Variants in NPAS3 observed in about 807,000 individuals in gnomAD.
The protein encoded by NPAS3 is neuronal PAS domain protein 3.
In NPAS3, 14 loss-of-function variants were observed where a neutral mutation model predicts 73.1. The ratio of observed to expected loss-of-function variants is 0.19; its 90% CI spans 0.13 to 0.30. The LOEUF is 0.30. Ranked by LOEUF, NPAS3 falls within the 10% of genes least tolerant of loss-of-function variation. The pLI is 1.00. For missense variants in NPAS3, 1,096 were observed against 1,250.0 expected, an observed-to-expected ratio of 0.88 and a Z score of 1.86; for synonymous variants, 620 against 541.5, an observed-to-expected ratio of 1.14 and a Z score of -2.01.
At chr14:33,306,882 G>C (rs982595533) in intron 3 of NPAS3, among the ~76,000 whole-genome samples, 16 of 152,186 alleles carry the variant, frequency 1.1e-4, no homozygotes, top group Admixed American at 3.3e-4. Flanking sequence ...AAGGGGAGCA[G>C]AGTCTTTGTG....
intron 1 of NPAS3, among the ~76,000 whole-genome samples, chr14:32,980,094 A>C (rs745588196): frequency 1.6e-4 from 25 of 152,234 alleles, no homozygotes; most frequent in Non-Finnish European, 3.4e-4. Flanking sequence ...CGGGGAGCTA[A>C]AACTAACTAG....
In NPAS3 at chr14:33,404,609, A is replaced by C. The variant is rs558908273; in HGVS notation, c.468+37341A>C. 2.0e-5 allele frequency among the ~76,000 whole-genome samples: 3 copies of C among 152,222 alleles called. No homozygotes were observed. In the South Asian group the frequency reaches 6.2e-4, roughly 32 times the overall value. On this transcript the variant is annotated intron_variant, in intron 4 of 11. Coordinates refer to ENST00000356141, the Ensembl canonical transcript of NPAS3. Reference sequence around the variant, plus strand: ...AGTATTTTCACGCTCATGGAGCTACATACTTTTTTTATATTAATGACCTGT... The same window carrying C: ...AGTATTTTCACGCTCATGGAGCTACCTACTTTTTTTATATTAATGACCTGT...
At chr14:33,367,899 C>G (rs1566838010) in intron 4 of NPAS3, among the ~76,000 whole-genome samples, 1 of 152,118 alleles carries the variant, frequency 6.6e-6, no homozygotes, top group Non-Finnish European at 1.5e-5. Context: ...AAATTCATTG[C>G]AAACTCGTCA....
At chr14:33,334,796 T>C (rs573153522) in intron 3 of NPAS3, among the ~76,000 whole-genome samples, 1 of 152,306 alleles carries the variant, frequency 6.6e-6, no homozygotes, top group South Asian at 2.1e-4. Flanking sequence ...AGCGTATACT[T>C]TATCCAAAGT....
intron 6 of NPAS3, among the ~76,000 whole-genome samples, chr14:33,695,001 G>C (rs943947425): frequency 1.3e-5 from 2 of 152,146 alleles, no homozygotes; most frequent in Admixed American, 1.3e-4. Context: ...TGGCTGTTGA[G>C]TTTAGGCAGC....
At chr14:32,951,337 T>A (rs2036476007) in intron 1 of NPAS3, among the ~76,000 whole-genome samples, 1 of 152,100 alleles carries the variant, frequency 6.6e-6, no homozygotes. Flanking sequence ...TTACAAATAT[T>A]CCATATTTAT....
chr14:33,510,453 G>C (rs1333339421), intron 4 of NPAS3, among the ~76,000 whole-genome samples: 1 of 151,990 alleles, frequency 6.6e-6, no homozygotes, highest in Non-Finnish European at 1.5e-5. Flanking sequence ...CAGTTCCCAG[G>C]GTGGGTGGAG....
intron 3 of NPAS3, among the ~76,000 whole-genome samples, chr14:33,221,882 G>A (rs373215470): frequency 1.4e-4 from 22 of 151,966 alleles, no homozygotes; most frequent in African/African-American, 4.3e-4. Context: ...CTATCACAAG[G>A]GTCATGGCTG....
At chr14:33,012,081 C>G (rs2039222919) in intron 1 of NPAS3, among the ~76,000 whole-genome samples, 2 of 46,506 alleles carry the variant, frequency 4.3e-5, no homozygotes, top group South Asian at 1.9e-3. Flanking sequence ...TGGGGCTGTG[C>G]CTGCCTTCCC....
chr14:33,436,167 G>T (rs1594901858), intron 4 of NPAS3, among the ~76,000 whole-genome samples: 1 of 152,174 alleles, frequency 6.6e-6, no homozygotes, highest in East Asian at 1.9e-4. Flanking sequence ...CATGAAGAAT[G>T]GGTGATTTCG....
chr14:33,304,316 T>C (rs1352381446), intron 3 of NPAS3, among the ~76,000 whole-genome samples: 1 of 152,212 alleles, frequency 6.6e-6, no homozygotes, highest in Admixed American at 6.5e-5. Context: ...TTAATTCTTT[T>C]TAAGCTATTT....
At chr14:33,335,519 G>A (rs73256887) in intron 3 of NPAS3, among the ~76,000 whole-genome samples, 2,201 of 152,220 alleles carry the variant, frequency 0.014, 48 homozygotes, top group African/African-American at 0.05. Flanking sequence ...CATCTGTTCC[G>A]AAGTGGCCTT....
intron 1 of NPAS3, among the ~76,000 whole-genome samples, chr14:33,025,146 T>G (rs74041764): frequency 1.5e-3 from 226 of 152,308 alleles, no homozygotes; most frequent in African/African-American, 5.3e-3. Context: ...ACAGGTACAG[T>G]GATCACTGAG....
intron 2 of NPAS3, among the ~76,000 whole-genome samples, chr14:33,175,737 T>TA (rs1400679437): frequency 6.6e-6 from 1 of 152,182 alleles, no homozygotes; most frequent in Non-Finnish European, 1.5e-5. Flanking sequence ...AACATCCCAA[T>TA]GGGATGACAT....
intron 4 of NPAS3, among the ~76,000 whole-genome samples, chr14:33,381,620 C>T (rs1299897012): frequency 1.3e-5 from 2 of 151,976 alleles, no homozygotes; most frequent in African/African-American, 4.8e-5. Context: ...AGCTGGGATT[C>T]GAACCCTGAG....
At chr14:33,268,125 T>G (rs1327362708) in intron 3 of NPAS3, among the ~76,000 whole-genome samples, 1 of 151,632 alleles carries the variant, frequency 6.6e-6, no homozygotes, top group East Asian at 1.9e-4. Context: ...TGGCCCCAGG[T>G]GATTTAACCT....
chr14:33,417,595 C>T (rs1408944538), intron 4 of NPAS3, among the ~76,000 whole-genome samples: 1 of 151,952 alleles, frequency 6.6e-6, no homozygotes, highest in Non-Finnish European at 1.5e-5. Context: ...GGAATAAATG[C>T]ACCAAATCTC....
chr14:32,977,292 C>T (rs2037720111), intron 1 of NPAS3, among the ~76,000 whole-genome samples: 1 of 145,810 alleles, frequency 6.9e-6, no homozygotes, highest in South Asian at 2.2e-4. Context: ...TATCTAGGTT[C>T]TTCTAGTCAG....
intron 2 of NPAS3, among the ~76,000 whole-genome samples, chr14:33,187,748 T>G (rs1182760586): frequency 2.0e-5 from 3 of 152,120 alleles, no homozygotes; most frequent in Non-Finnish European, 4.4e-5. Flanking sequence ...AATTAGTATT[T>G]ATTAAATTAA....
Sources: allele counts gnomAD v4.1 joint callset (sites outside exome capture counted in the v4.1 genomes callset), GRCh38; gene constraint gnomAD v4.1.1; transcripts MANE v1.5; gene names NCBI Gene and HGNC (gene_info 2026-07-23, HGNC 2026-07-21).